B3GALT1: variants seen among roughly 807,000 people sequenced by gnomAD.
B3GALT1 encodes UDP-Gal:betaGlcNAc beta 1,3-galactosyltransferase, polypeptide 1.
In B3GALT1, 10 loss-of-function variants were observed where a neutral mutation model predicts 23.2. The observed-to-expected ratio is 0.43, with a 90% CI of 0.27 to 0.73. The LOEUF (loss-of-function observed/expected upper bound fraction) is 0.73. Among genes scored for constraint, B3GALT1 ranks in the 30% least tolerant of loss-of-function variants. The pLI, the probability that B3GALT1 is intolerant of heterozygous loss-of-function variation, is 0.21. For synonymous variants in B3GALT1, 156 were observed against 141.5 expected (o/e 1.10, Z -0.73); for missense variants, 299 against 405.4 (o/e 0.74, Z 2.25).
At chr2:167,333,373 C>T (rs1697005617) in intron 1 of B3GALT1, among the ~76,000 whole-genome samples, 2 of 152,194 alleles carry the variant, frequency 1.3e-5, no homozygotes, top group South Asian at 4.1e-4. Flanking sequence ...GGGCTAACAC[C>T]AGGAGAATTG....
In B3GALT1 at chr2:167,647,783, A is replaced by AT. The variant is rs1370976605; in HGVS notation, c.-352+823dup. 7.3e-5 allele frequency among the ~76,000 whole-genome samples: 11 copies of AT among 151,470 alleles called. No homozygotes were observed. The South Asian group carries it at 2.3e-3, about 32-fold the overall frequency. On this transcript the variant is annotated intron_variant, in intron 3 of 4. Transcript: ENST00000392690. ...GCTCTCCTTTTATTTTTCTTTCTTT[A>AT]TTTTTTAAATTTTATGGGTACATGG...
chr2:167,395,051 G>A (rs1475151275), intron 1 of B3GALT1, among the ~76,000 whole-genome samples: 1 of 152,140 alleles, frequency 6.6e-6, no homozygotes, highest in African/African-American at 2.4e-5. Context: ...TGACATTTGG[G>A]ACTTTTGAGT....
intron 2 of B3GALT1, among the ~76,000 whole-genome samples, chr2:167,626,590 C>T (rs111735603): frequency 1.1e-3 from 164 of 151,326 alleles, no homozygotes; most frequent in African/African-American, 3.8e-3. Context: ...ATCCAAAGAC[C>T]CAGAAAAAAA....
At chr2:167,376,738 T>C (rs1269933172) in intron 1 of B3GALT1, among the ~76,000 whole-genome samples, 2 of 152,144 alleles carry the variant, frequency 1.3e-5, no homozygotes, top group African/African-American at 2.4e-5. Flanking sequence ...TTTTTTTTAC[T>C]TTGTTAACCT....
At chr2:167,524,061 A>G (rs561942561) in intron 2 of B3GALT1, among the ~76,000 whole-genome samples, 1 of 152,282 alleles carries the variant, frequency 6.6e-6, no homozygotes, top group South Asian at 2.1e-4. Context: ...TTTAGTGCTA[A>G]ATTGCCCTCC....
intron 3 of B3GALT1, among the ~76,000 whole-genome samples, chr2:167,817,041 G>C (rs1689008173): frequency 6.6e-6 from 1 of 152,186 alleles, no homozygotes; most frequent in Non-Finnish European, 1.5e-5. Flanking sequence ...GTGTTTGTCT[G>C]TTTGGCCAAA....
intron 3 of B3GALT1, among the ~76,000 whole-genome samples, chr2:167,784,997 A>G (rs1688316564): frequency 6.6e-6 from 1 of 152,238 alleles, no homozygotes; most frequent in South Asian, 2.1e-4. Context: ...GAAAGTGTCC[A>G]TATAGTCTAG....
intron 3 of B3GALT1, among the ~76,000 whole-genome samples, chr2:167,697,958 C>T (rs905796879): frequency 2.0e-5 from 3 of 152,184 alleles, no homozygotes; most frequent in Non-Finnish European, 4.4e-5. Context: ...TGTGTCTTAT[C>T]TCCTAAAGAA....
chr2:167,851,846 A>G (rs1689908108), intron 4 of B3GALT1, among the ~76,000 whole-genome samples: 2 of 152,192 alleles, frequency 1.3e-5, no homozygotes, highest in Admixed American at 6.5e-5. Context: ...TGAGACTGAC[A>G]TGTGCCTGGG....
intron 2 of B3GALT1, among the ~76,000 whole-genome samples, chr2:167,502,426 T>G (rs1395811499): frequency 6.6e-6 from 1 of 152,212 alleles, no homozygotes; most frequent in Non-Finnish European, 1.5e-5. Flanking sequence ...TTACTTGTAT[T>G]AGTCTGTTCT....
chr2:167,349,558 C>T (rs928960461), intron 1 of B3GALT1, among the ~76,000 whole-genome samples: 1 of 152,068 alleles, frequency 6.6e-6, no homozygotes, highest in African/African-American at 2.4e-5. Flanking sequence ...AATAAGTTTT[C>T]CATCCATGAA....
At chr2:167,636,983 A>G (rs940390438) in intron 2 of B3GALT1, among the ~76,000 whole-genome samples, 1 of 151,990 alleles carries the variant, frequency 6.6e-6, no homozygotes, top group African/African-American at 2.4e-5. Context: ...AACTTAAAGT[A>G]TAATAATAAT....
chr2:167,849,684 G>A (rs531997798), intron 4 of B3GALT1, among the ~76,000 whole-genome samples: 4 of 152,124 alleles, frequency 2.6e-5, no homozygotes, highest in Non-Finnish European at 5.9e-5. Context: ...TCAGGAGATC[G>A]AGACCATCCT....
At chr2:167,314,158 C>A (rs957593211) in intron 1 of B3GALT1, among the ~76,000 whole-genome samples, 1 of 151,946 alleles carries the variant, frequency 6.6e-6, no homozygotes, top group African/African-American at 2.4e-5. Context: ...ATAAATGCTG[C>A]TTGGCACAGG....
At chr2:167,505,437 C>T (rs1022274798) in intron 2 of B3GALT1, among the ~76,000 whole-genome samples, 3 of 152,108 alleles carry the variant, frequency 2.0e-5, no homozygotes, top group Non-Finnish European at 2.9e-5. Context: ...ATCTTCAAAG[C>T]GCCTCTTCTT....
chr2:167,635,553 AACAG>A (rs752848915), intron 2 of B3GALT1, among the ~76,000 whole-genome samples: 21 of 151,970 alleles, frequency 1.4e-4, no homozygotes, highest in Non-Finnish European at 2.7e-4. Flanking sequence ...ATACGCCAAT[AACAG>A]ACAGAGAGCC....
At position 167,574,483 on chromosome 2, in the gene B3GALT1, C is replaced by G. The variant is rs539170151; in HGVS notation, c.-409-72426C>G. Reference sequence around the variant, plus strand: ...AAACATGAGGATCGCCCAGTTGATTCAATTGATGATGTGGTAATTGTACAT... The same window carrying G: ...AAACATGAGGATCGCCCAGTTGATTGAATTGATGATGTGGTAATTGTACAT... On this transcript the variant is annotated intron_variant, in intron 2 of 4. Transcript: ENST00000392690. Among the ~76,000 whole-genome samples, 8 of 151,670 alleles carry G rather than the reference C, an allele frequency of 5.3e-5. No homozygotes were observed. In the East Asian group the frequency reaches 5.8e-4, roughly 11 times the overall value.
chr2:167,694,728 A>G (rs73971227), intron 3 of B3GALT1, among the ~76,000 whole-genome samples: 3 of 151,608 alleles, frequency 2.0e-5, no homozygotes, highest in African/African-American at 4.9e-5. Context: ...TGTTGGTGAA[A>G]GCAGGTGGCC....
chr2:167,697,531 C>T (rs148384157), intron 3 of B3GALT1, among the ~76,000 whole-genome samples: 24 of 152,286 alleles, frequency 1.6e-4, no homozygotes, highest in Non-Finnish European at 2.6e-4. Flanking sequence ...CTTGCTATCA[C>T]TTACAAGGAG....
Sources: allele counts gnomAD v4.1 joint callset (sites outside exome capture counted in the v4.1 genomes callset), GRCh38; gene constraint gnomAD v4.1.1; transcripts MANE v1.5; gene names NCBI Gene and HGNC (gene_info 2026-07-23, HGNC 2026-07-21).